FOXP1: variants seen among roughly 807,000 people sequenced by gnomAD.
The protein encoded by FOXP1 is forkhead box P1, also known as forkhead box protein P1.
Under a neutral mutation model 98.2 loss-of-function variants are expected in FOXP1, and 15 were observed. The observed-to-expected ratio is 0.15, with a 90% confidence interval of 0.10 to 0.24. The LOEUF is 0.24. FOXP1 is among the 10% of genes least tolerant of loss of function. The probability of loss-of-function intolerance (pLI) is 1.00; values close to 1 mark genes in which losing one functional copy is unlikely to be tolerated. For synonymous variants in FOXP1, 371 were observed against 314.5 expected, an observed-to-expected ratio of 1.18 and a Z score of -1.90; for missense variants, 633 against 848.5, an observed-to-expected ratio of 0.75 and a Z score of 3.15.
chr3:71,049,202 G>GGGGAT (rs2049481609), intron 9 of FOXP1, among the ~76,000 whole-genome samples: 1 of 152,108 alleles, frequency 6.6e-6, no homozygotes, highest in Non-Finnish European at 1.5e-5. Flanking sequence ...CCTCCCTAGA[G>GGGGAT]CTGCAGTCAA....
intron 3 of FOXP1, among the ~76,000 whole-genome samples, chr3:71,438,742 GAAAA>G (rs766986643): frequency 1.8e-4 from 23 of 125,880 alleles, no homozygotes; most frequent in African/African-American, 6.3e-4. Context: ...CTAATTTGGA[GAAAA>G]AAAAAAAAAA....
intron 5 of FOXP1, among the ~76,000 whole-genome samples, chr3:71,220,076 G>C (rs1026631989): frequency 6.6e-6 from 1 of 152,152 alleles, no homozygotes. Context: ...CACCAGATCT[G>C]GAAGAGCCCC....
intron 2 of FOXP1, among the ~76,000 whole-genome samples, chr3:71,540,366 G>C (rs539313324): frequency 1.3e-5 from 2 of 152,292 alleles, no homozygotes; most frequent in East Asian, 3.9e-4. Context: ...TGCTGCAGAA[G>C]GTGCTAGAAA....
intron 12 of FOXP1, among the ~76,000 whole-genome samples, chr3:71,014,930 G>A (rs1322848287): frequency 6.7e-6 from 1 of 148,528 alleles, no homozygotes; most frequent in African/African-American, 2.5e-5. Flanking sequence ...ACATAGGTGG[G>A]AATTGAACGA....
At chr3:71,115,317 T>TTTTATTTATTTATTTATTTATTTA (rs10563814) in intron 6 of FOXP1, among the ~76,000 whole-genome samples, 41 of 144,140 alleles carry the variant, frequency 2.8e-4, no homozygotes, top group East Asian at 1.4e-3. Context: ...ATTATTATTA[T>TTTTATTTATTTATTTATTTATTTA]TTTATTTATT....
chr3:71,273,209 T>C (rs1172717439), intron 5 of FOXP1, among the ~76,000 whole-genome samples: 1 of 152,174 alleles, frequency 6.6e-6, no homozygotes, highest in African/African-American at 2.4e-5. Flanking sequence ...TCTGTGTGAA[T>C]TCAAGTTCAA....
In FOXP1 at chr3:71,499,510, G is replaced by A. The variant is rs575716692; in HGVS notation, c.-297-5955C>T. On this transcript the variant is annotated intron_variant, in intron 2 of 20. Coordinates refer to ENST00000649528, the MANE Select transcript of FOXP1 (RefSeq NM_001349338.3). The stretch of plus-strand genomic sequence containing the variant: ...GATATATACATCTTCATAATTGTTC[G>A]TTTTTAAATGCAACTAAATCAGATT... Among the ~76,000 whole-genome samples the A allele has an allele frequency of 2.8e-4, 43 of 152,286 alleles. No individual in the cohort carries two copies. In the East Asian group the frequency reaches 7.3e-3, roughly 26 times the overall value.
Position 71,554,557 on chromosome 3 carries a change from A to G in FOXP1, c.-298+26992T>C, listed in dbSNP as rs146855566. Reference sequence around the variant, plus strand: ...ACTGGATGGAAAAAATCAAACTATTATTGGTATTACCTTAACTGAGTTTCT... The same window carrying G: ...ACTGGATGGAAAAAATCAAACTATTGTTGGTATTACCTTAACTGAGTTTCT... On this transcript the variant is annotated intron_variant, in intron 2 of 20. Transcript: ENST00000649528. Among the ~76,000 whole-genome samples the G allele has an allele frequency of 2.0e-5, 3 of 152,290 alleles. No individual in the cohort carries two copies. In the East Asian group the frequency reaches 5.8e-4, roughly 29 times the overall value.
chr3:71,451,053 T>C (rs1338891006), intron 3 of FOXP1, among the ~76,000 whole-genome samples: 1 of 152,238 alleles, frequency 6.6e-6, no homozygotes, highest in Non-Finnish European at 1.5e-5. Flanking sequence ...ACTGCTTTCA[T>C]ATGCCTGAGC....
At chr3:71,410,125 A>C (rs1484579723) in intron 3 of FOXP1, among the ~76,000 whole-genome samples, 1 of 152,230 alleles carries the variant, frequency 6.6e-6, no homozygotes, top group Non-Finnish European at 1.5e-5. Context: ...GGCCAAGAAC[A>C]GGACTTAACC....
chr3:71,348,518 T>TGTGG (rs2077517872), intron 4 of FOXP1, among the ~76,000 whole-genome samples: 1 of 30,822 alleles, frequency 3.2e-5, no homozygotes, highest in East Asian at 7.3e-4. Flanking sequence ...TGTGTGTGTG[T>TGTGG]GTGCGTGTGT....
At chr3:71,486,451 A>G (rs956910797) in intron 3 of FOXP1, among the ~76,000 whole-genome samples, 6 of 152,182 alleles carry the variant, frequency 3.9e-5, no homozygotes, top group African/African-American at 1.4e-4. Context: ...CCATCAGAAC[A>G]GGCCTGCTGT....
intron 5 of FOXP1, among the ~76,000 whole-genome samples, chr3:71,257,666 A>C (rs2068752027): frequency 6.6e-6 from 1 of 152,124 alleles, no homozygotes; most frequent in African/African-American, 2.4e-5. Context: ...CAGAAAGAAA[A>C]AGAAATGGAG....
chr3:71,011,413 A>G (rs2043607795), intron 12 of FOXP1, among the ~76,000 whole-genome samples: 1 of 152,068 alleles, frequency 6.6e-6, no homozygotes, highest in Admixed American at 6.6e-5. Context: ...GGAAAGAGAT[A>G]CTCTGTGGGA....
intron 12 of FOXP1, among the ~76,000 whole-genome samples, chr3:71,002,969 C>T (rs749864704): frequency 6.6e-6 from 1 of 152,208 alleles, no homozygotes; most frequent in Admixed American, 6.5e-5. Flanking sequence ...CCAGTGGACT[C>T]CCTGAGTGTT....
rs148719123 is a variant in FOXP1, at chr3:71,354,044, C to T, written c.-73+5106G>A. ...GAATTGGGCTGGGCGCGGTGGTTCA[C>T]GCCTGTAATCCCAGCACTTTGGGAG... On this transcript the variant is annotated intron_variant, in intron 4 of 20. Transcript: ENST00000649528. Among the ~76,000 whole-genome samples, 918 of 151,702 alleles carry T rather than the reference C, an allele frequency of 6.1e-3. 11 individuals carry two copies. The highest frequency in any genetic ancestry group is 0.021 in the African/African-American group (879 of 41,280).
chr3:71,500,413 A>T (rs971888794), intron 2 of FOXP1, among the ~76,000 whole-genome samples: 1 of 152,170 alleles, frequency 6.6e-6, no homozygotes, highest in African/African-American at 2.4e-5. Context: ...ATCTATGTCC[A>T]AACCCTGCTC....
chr3:71,119,215 G>A lies in FOXP1; in HGVS notation c.181-6578C>T, dbSNP rs141079840. On this transcript the variant is annotated intron_variant, in intron 6 of 20. Transcript: ENST00000649528. The stretch of plus-strand genomic sequence containing the variant: ...AAAACTTGCCTCAAACTTTGAAGAT[G>A]TGTTTCTGCTGGTAGGTAATTGATA... Among the ~76,000 whole-genome samples, 9 of 152,344 alleles carry A rather than the reference G, an allele frequency of 5.9e-5. No individual in the cohort carries two copies. In the East Asian group the frequency reaches 1.7e-3, roughly 29 times the overall value.
At chr3:71,057,536 G>C (rs2050855839) in intron 7 of FOXP1, among the ~76,000 whole-genome samples, 2 of 150,626 alleles carry the variant, frequency 1.3e-5, no homozygotes, top group Admixed American at 1.3e-4. Context: ...AAATGAGTAT[G>C]TTTTATGAGT....
Sources: gnomAD v4.1 joint callset for allele counts (sites outside exome capture counted in the v4.1 genomes callset) on GRCh38, gnomAD v4.1.1 for gene constraint, MANE v1.5 for transcripts, NCBI Gene and HGNC (gene_info 2026-07-23, HGNC 2026-07-21) for gene names.